FILIP1: variants seen among roughly 807,000 people sequenced by gnomAD.
FILIP1 encodes the protein filamin-A-interacting protein 1.
In FILIP1, 61 loss-of-function variants were observed where a neutral mutation model predicts 102.1. That is an observed-to-expected ratio of 0.60 (90% CI 0.49 to 0.74). FILIP1 has a LOEUF of 0.74. FILIP1 is among the 30% of genes least tolerant of loss of function. FILIP1 has a pLI of 0.00. For synonymous variants in FILIP1, 491 were observed against 526.9 expected, an observed-to-expected ratio of 0.93 and a Z score of 0.93; for missense variants, 1,314 against 1,441.2, an observed-to-expected ratio of 0.91 and a Z score of 1.43.
intron 4 of FILIP1, among the ~76,000 whole-genome samples, chr6:75,346,407 T>G (rs1215340828): frequency 6.6e-6 from 1 of 152,182 alleles, no homozygotes; most frequent in Non-Finnish European, 1.5e-5. Flanking sequence ...GAGAGTGCTA[T>G]GAAGCTTGGG....
intron 1 of FILIP1, among the ~76,000 whole-genome samples, chr6:75,430,350 T>C (rs796940781): frequency 1.2e-4 from 19 of 152,316 alleles, no homozygotes; most frequent in African/African-American, 4.6e-4. Context: ...TTTTCAAATT[T>C]GTTTGACAGT....
chr6:75,314,685 G>T lies in FILIP1; in HGVS notation c.1147C>A (p.Leu383Ile). Residue 383 changes from leucine (L) to isoleucine (I), a missense_variant, in exon 5 of 6, where the codon CTT (leucine) becomes ATT (isoleucine). Around this residue, in one of 3 missense-constraint regions of FILIP1, gnomAD observed 494 missense variants for 511.2 expected, o/e 0.97. Coordinates refer to ENST00000237172, the MANE Select transcript of FILIP1 (RefSeq NM_015687.5). ...NSSLMAEVENLRKRVLEMEGK... is the reference protein window; with the variant it reads ...NSSLMAEVENIRKRVLEMEGK... ...TCCATTTCAAGCACACGCTTTCGAAGATTTTCCACTTCTGCCATGAGGCTA... is the reference window on the plus strand; with the variant it reads ...TCCATTTCAAGCACACGCTTTCGAATATTTTCCACTTCTGCCATGAGGCTA... The T allele has an allele frequency of 6.2e-7, 1 of 1,613,850 alleles. No individual in the cohort carries two copies. Among genetic ancestry groups the T allele is most frequent in the Non-Finnish European group, 8.5e-7 (1 of 1,179,980 alleles).
chr6:75,487,952 C>A (rs191938375), intron 1 of FILIP1, among the ~76,000 whole-genome samples: 54 of 152,056 alleles, frequency 3.6e-4, no homozygotes, highest in Non-Finnish European at 5.9e-4. Flanking sequence ...TTTAGGCAAG[C>A]AAATAAAAAC....
intron 1 of FILIP1, among the ~76,000 whole-genome samples, chr6:75,437,014 A>T (rs1778048269): frequency 1.3e-5 from 2 of 152,116 alleles, no homozygotes; most frequent in African/African-American, 2.4e-5. Context: ...GAAAGGGCCA[A>T]ATAACTCCTG....
chr6:75,324,602 A>C (rs944380761), intron 4 of FILIP1, among the ~76,000 whole-genome samples: 1 of 152,196 alleles, frequency 6.6e-6, no homozygotes, highest in African/African-American at 2.4e-5. Flanking sequence ...TAAAATTTAT[A>C]TGGAACCAAA....
chr6:75,426,168 C>T (rs1423415626), intron 1 of FILIP1, among the ~76,000 whole-genome samples: 2 of 152,052 alleles, frequency 1.3e-5, no homozygotes, highest in African/African-American at 4.8e-5. Flanking sequence ...TGTATTTAAA[C>T]TGGGAGAAAT....
intron 1 of FILIP1, among the ~76,000 whole-genome samples, chr6:75,438,500 G>A (rs770726078): frequency 6.6e-6 from 1 of 152,166 alleles, no homozygotes; most frequent in Non-Finnish European, 1.5e-5. Flanking sequence ...TAACTGCCAT[G>A]TCTTTAATCC....
At chr6:75,486,792 T>C (rs1378030439) in intron 1 of FILIP1, among the ~76,000 whole-genome samples, 2 of 152,152 alleles carry the variant, frequency 1.3e-5, no homozygotes, top group African/African-American at 2.4e-5. Context: ...TCCTGGCACA[T>C]AGTAATATTC....
chr6:75,468,590 T>C (rs888441972), intron 1 of FILIP1, among the ~76,000 whole-genome samples: 3 of 152,202 alleles, frequency 2.0e-5, no homozygotes, highest in African/African-American at 7.2e-5. Context: ...TAAAAAGTGA[T>C]GAACAGATAT....
chr6:75,423,812 C>T lies in FILIP1; in HGVS notation c.-6-8834G>A, dbSNP rs181368691. ...TTTTGCTGGGAAAACACTTCCACAA[C>T]CAGCAGGATCCAGAAAATGCTTTCC... On this transcript the variant is annotated intron_variant, in intron 1 of 5. Coordinates refer to ENST00000237172, the MANE Select transcript of FILIP1 (RefSeq NM_015687.5). Among the ~76,000 whole-genome samples, 206 of 152,280 alleles carry T rather than the reference C, an allele frequency of 1.4e-3. 1 individual carries two copies. Among genetic ancestry groups the T allele is most frequent in the Admixed American group, 2.9e-3 (44 of 15,276 alleles).
intron 4 of FILIP1, among the ~76,000 whole-genome samples, chr6:75,333,609 C>A (rs1774148886): frequency 6.6e-6 from 1 of 152,122 alleles, no homozygotes; most frequent in Non-Finnish European, 1.5e-5. Context: ...CAATGTTACA[C>A]AAATTAAATC....
At chr6:75,367,641 G>C (rs1775382062) in intron 2 of FILIP1, 1 of 152,142 alleles carries the variant, frequency 6.6e-6, no homozygotes. Context: ...GGGAGACTCT[G>C]TCTCAAAAGA....
In FILIP1 at chr6:75,301,500, C is replaced by A. The variant is rs527439028; in HGVS notation, c.3494-5550G>T. Among the ~76,000 whole-genome samples the A allele has an allele frequency of 2.1e-4, 32 of 152,144 alleles. No individual in the cohort carries two copies. The South Asian group carries it at 5.6e-3, about 27-fold the overall frequency. On this transcript the variant is annotated intron_variant, in intron 6 of 6. Coordinates refer to the FILIP1 transcript ENST00000393004. Reference sequence around the variant, plus strand: ...GTCTTCTTTAGTAATAGTAATTATCCTCTTGATCTCTAAGGTCTATTTCAG... The same window carrying A: ...GTCTTCTTTAGTAATAGTAATTATCATCTTGATCTCTAAGGTCTATTTCAG...
chr6:75,472,134 C>G (rs1463045542), intron 1 of FILIP1, among the ~76,000 whole-genome samples: 1 of 152,090 alleles, frequency 6.6e-6, no homozygotes, highest in Non-Finnish European at 1.5e-5. Context: ...GCTATTTCTT[C>G]TTTTCATTCA....
chr6:75,351,808 T>C (rs1774818718), intron 4 of FILIP1, among the ~76,000 whole-genome samples: 1 of 152,240 alleles, frequency 6.6e-6, no homozygotes, highest in South Asian at 2.1e-4. Context: ...TGACTGTGTA[T>C]GTAATTTATA....
intron 4 of FILIP1, among the ~76,000 whole-genome samples, chr6:75,324,822 A>G (rs1773782510): frequency 6.6e-6 from 1 of 152,202 alleles, no homozygotes; most frequent in African/African-American, 2.4e-5. Flanking sequence ...AGGCGAACAA[A>G]AGCATAAAGT....
intron 2 of FILIP1, among the ~76,000 whole-genome samples, chr6:75,396,034 AACAC>A (rs1375618547): frequency 6.6e-6 from 1 of 150,700 alleles, no homozygotes; most frequent in Non-Finnish European, 1.5e-5. Context: ...GCCAACCTGG[AACAC>A]ATACAATCTT....
In FILIP1 at chr6:75,308,260, A is replaced by T. The variant is rs570608319; in HGVS notation, c.*431T>A. On this transcript the variant is annotated 3_prime_UTR_variant, in exon 6 of 6. Transcript: ENST00000237172. ...GTGAAAGAGGCAAATGACAATAGTT[A>T]AAGTATGTCTTATTTTGTAATAGGA... 8 of 989,110 alleles carry T rather than the reference A, an allele frequency of 8.1e-6. No homozygotes were observed. Among genetic ancestry groups the T allele is most frequent in the Non-Finnish European group, 9.6e-6 (8 of 830,924 alleles). The allele number at this position is 989,110 out of a possible 1,614,324, so 61.3% of individuals were successfully genotyped here. A position where few individuals can be genotyped will look rare whatever the true frequency, so the allele number is the denominator to read the frequency against.
intron 4 of FILIP1, among the ~76,000 whole-genome samples, chr6:75,339,673 C>T (rs374030768): frequency 3.9e-5 from 6 of 152,158 alleles, no homozygotes; most frequent in East Asian, 1.9e-4. Flanking sequence ...GGAGGCCAGG[C>T]GCAGTGGCTC....
Sources: allele counts gnomAD v4.1 joint callset (sites outside exome capture counted in the v4.1 genomes callset), GRCh38; gene constraint gnomAD v4.1.1; regional missense constraint gnomAD v4.1.1; transcripts MANE v1.5; gene names NCBI Gene and HGNC (gene_info 2026-07-23, HGNC 2026-07-21).